The following CDH1 variants were observed in gnomAD, a reference collection of about 807,000 sequenced individuals.
CDH1 encodes the protein cadherin-1.
CDH1 carries 35 observed loss-of-function variants against 84.5 expected under a neutral mutation model. The ratio of observed to expected loss-of-function variants is 0.41; its 90% CI spans 0.32 to 0.55. The LOEUF is 0.55. Among genes scored for constraint, CDH1 ranks in the 20% least tolerant of loss-of-function variants. CDH1 has a pLI of 0.19. For missense variants in CDH1, 994 were observed against 1,126.6 expected (o/e 0.88, Z 1.68); for synonymous variants, 417 against 439.0 (o/e 0.95, Z 0.63).
intron 2 of CDH1, among the ~76,000 whole-genome samples, chr16:68,795,050 G>A (rs772270023): frequency 2.6e-5 from 4 of 152,216 alleles, no homozygotes; most frequent in South Asian, 4.1e-4. Context: ...TCACTATGTT[G>A]CTCAGGCTAG....
intron 6 of CDH1, among the ~76,000 whole-genome samples, chr16:68,810,865 C>CA (rs930343696): frequency 0.01 from 1,428 of 141,102 alleles, 10 homozygotes; most frequent in African/African-American, 0.017. Context: ...GACTCCGTCT[C>CA]AAAAAAAAAA....
chr16:68,813,516 G>GATGCAGAA (rs1960902396), intron 9 of CDH1, 21 bp downstream of exon 9: 2 of 1,612,708 alleles, frequency 1.2e-6, no homozygotes, highest in African/African-American at 2.7e-5. Context: ...TACCTGGCAA[G>GATGCAGAA]ATGCAGAAAC....
At chr16:68,748,384 G>C (rs1962803631) in intron 2 of CDH1, among the ~76,000 whole-genome samples, 1 of 152,178 alleles carries the variant, frequency 6.6e-6, no homozygotes, top group African/African-American at 2.4e-5. Context: ...GGGATTAGAG[G>C]CGTGAGCCAC....
chr16:68,804,824 C>CTTTTTTT (rs5817653), intron 3 of CDH1, among the ~76,000 whole-genome samples: 1,237 of 69,774 alleles, frequency 0.018, 193 homozygotes, highest in African/African-American at 0.078. Flanking sequence ...GTAACAAAAT[C>CTTTTTTT]TTTTTTTTTT....
rs545811852 is a variant in CDH1, at chr16:68,738,277, C to T, written c.49-20C>T. On this transcript the variant is annotated intron_variant, in intron 1 of 15. Coordinates refer to ENST00000261769, the MANE Select transcript of CDH1 (RefSeq NM_004360.5). Reference sequence around the variant, plus strand: ...AACCCTCCGAGTCACCCGGTTCCATCTACCTTTCCCCCACCCCAGGTCTCC... The same window carrying T: ...AACCCTCCGAGTCACCCGGTTCCATTTACCTTTCCCCCACCCCAGGTCTCC... 3.8e-5 allele frequency: 57 copies of T among 1,489,120 alleles called. No individual in the cohort carries two copies. In the South Asian group the frequency reaches 5.8e-4, roughly 15 times the overall value. 92.2% of individuals were successfully genotyped at this position (1,489,120 alleles called of 1,614,324 possible).
At position 68,833,874 on chromosome 16, in the gene CDH1, A is replaced by G; in HGVS notation, c.*375A>G. ...TTAAAAAGAAGGGGAGAAGTCAGCT[A>G]CTCTAGTTCTGTTGTTTTGTGTATA... is the stretch of plus-strand genomic sequence containing the variant. On this transcript the variant is annotated 3_prime_UTR_variant, in exon 16 of 16. Coordinates refer to ENST00000261769, the MANE Select transcript of CDH1 (RefSeq NM_004360.5). The G allele has an allele frequency of 2.7e-6, 1 of 371,072 alleles. No homozygotes were observed. The highest frequency in any genetic ancestry group is 5.0e-6 in the Non-Finnish European group (1 of 201,624). The allele number at this position is 371,072 out of a possible 1,614,324, so 23.0% of individuals were successfully genotyped here.
intron 2 of CDH1, among the ~76,000 whole-genome samples, chr16:68,789,400 A>G (rs1283444852): frequency 2.0e-5 from 3 of 152,128 alleles, no homozygotes; most frequent in Non-Finnish European, 4.4e-5. Flanking sequence ...GATGCAGGAC[A>G]AGGGAGTAAA....
intron 2 of CDH1, among the ~76,000 whole-genome samples, chr16:68,798,958 G>T (rs749234313): frequency 9.2e-5 from 14 of 152,110 alleles, no homozygotes; most frequent in Non-Finnish European, 1.2e-4. Flanking sequence ...CAAATACACA[G>T]GAATAATAGT....
chr16:68,809,737 G>T (rs1960766776), intron 5 of CDH1, among the ~76,000 whole-genome samples: 2 of 151,660 alleles, frequency 1.3e-5, no homozygotes, highest in African/African-American at 4.8e-5. Context: ...TGTTGCCCAG[G>T]CTGGTCTTGA....
At chr16:68,819,658 C>T (rs1961087917) in intron 11 of CDH1, among the ~76,000 whole-genome samples, 1 of 152,072 alleles carries the variant, frequency 6.6e-6, no homozygotes, top group Non-Finnish European at 1.5e-5. Context: ...ATGCATTGTA[C>T]CCATTAAGTA....
At chr16:68,807,712 A>G (rs955640259) in intron 3 of CDH1, among the ~76,000 whole-genome samples, 2 of 152,030 alleles carry the variant, frequency 1.3e-5, no homozygotes, top group Admixed American at 6.6e-5. Context: ...AAAAGAAAAG[A>G]AATCGAAAAC....
At chr16:68,825,067 A>G (rs1378197865) in intron 13 of CDH1, among the ~76,000 whole-genome samples, 1 of 152,144 alleles carries the variant, frequency 6.6e-6, no homozygotes, top group Admixed American at 6.5e-5. Context: ...GCAACAAAGC[A>G]AGACTGTCTC....
chr16:68,830,600 GC>G (rs1312109035), intron 15 of CDH1, among the ~76,000 whole-genome samples: 14 of 152,128 alleles, frequency 9.2e-5, no homozygotes, highest in Admixed American at 9.2e-4. Context: ...GTTGGGGTGA[GC>G]AGTCTAGGCC....
At chr16:68,745,545 A>ATAT (rs1399448265) in intron 2 of CDH1, among the ~76,000 whole-genome samples, 3 of 19,442 alleles carry the variant, frequency 1.5e-4, no homozygotes, top group African/African-American at 2.1e-4. Flanking sequence ...AAAAAAAAAA[A>ATAT]AAAAATATAT....
At chr16:68,813,725 C>T (rs976031971) in intron 9 of CDH1, among the ~76,000 whole-genome samples, 10 of 150,824 alleles carry the variant, frequency 6.6e-5, no homozygotes, top group Non-Finnish European at 1.0e-4. Context: ...CACTTAGGGA[C>T]GCTGAGGCAG....
chr16:68,793,311 G>GAA (rs1960262267), intron 2 of CDH1, among the ~76,000 whole-genome samples: 1 of 152,180 alleles, frequency 6.6e-6, no homozygotes, highest in Admixed American at 6.6e-5. Flanking sequence ...TTTCTCTGAG[G>GAA]CCTGGAACTG....
intron 2 of CDH1, among the ~76,000 whole-genome samples, chr16:68,778,905 C>T (rs1959802658): frequency 6.6e-6 from 1 of 152,130 alleles, no homozygotes; most frequent in South Asian, 2.1e-4. Flanking sequence ...TCCTGGCTCC[C>T]TTGGTGTGTG....
chr16:68,830,057 C>T (rs1317120322), intron 15 of CDH1, among the ~76,000 whole-genome samples: 1 of 150,560 alleles, frequency 6.6e-6, no homozygotes, highest in Admixed American at 6.7e-5. Context: ...CGGGTTCAAG[C>T]GATTCTCCTG....
intron 1 of CDH1, 97 bp downstream of exon 1, chr16:68,737,560 T>G: frequency 1.8e-6 from 2 of 1,088,062 alleles, no homozygotes; most frequent in Non-Finnish European, 2.7e-6. Flanking sequence ...ACCGCTTCCC[T>G]TCTTCCAAGA....
Sources: gnomAD v4.1 joint callset for allele counts (sites outside exome capture counted in the v4.1 genomes callset) on GRCh38, gnomAD v4.1.1 for gene constraint, MANE v1.5 for transcripts, NCBI Gene and HGNC (gene_info 2026-07-23, HGNC 2026-07-21) for gene names.